Variants in BCORL1 observed in about 807,000 individuals in gnomAD.
BCORL1 encodes BCL6 corepressor like 1.
Under a neutral mutation model 87.6 loss-of-function variants are expected in BCORL1, and 7 were observed. That is an observed-to-expected ratio of 0.08 (90% CI 0.05 to 0.15). The LOEUF (loss-of-function observed/expected upper bound fraction) is 0.15, where lower values mean the gene tolerates loss of function less well. BCORL1 is among the 10% of genes least tolerant of loss of function. BCORL1 has a pLI of 1.00. For synonymous variants in BCORL1, 591 were observed against 634.4 expected, an observed-to-expected ratio of 0.93 and a Z score of 1.03; for missense variants, 1,215 against 1,499.7, an observed-to-expected ratio of 0.81 and a Z score of 3.13.
intron 2 of BCORL1, among the ~76,000 whole-genome samples, chrX:130,011,238 T>G (rs113196222): frequency 0.022 from 2,406 of 107,073 alleles, 34 homozygotes; most frequent in Non-Finnish European, 0.034. Flanking sequence ...TTTTTTTGGT[T>G]GTTGTTGTTG....
At position 130,032,444 on chromosome X, in the gene BCORL1, G is replaced by A. The variant is rs758765836; in HGVS notation, c.4306-2011G>A. 1.2e-4 allele frequency among the ~76,000 whole-genome samples: 14 copies of A among 112,349 alleles called. No individual in the cohort carries two copies. The East Asian group carries it at 3.7e-3, about 29-fold the overall frequency. ...CCACGAGTGATCCAAAAGAGAGCAA[G>A]GCAGAAACCACAGTGTCTTTTAGGC... On this transcript the variant is annotated intron_variant, in intron 8 of 13. Coordinates refer to ENST00000540052, the MANE Select transcript of BCORL1 (RefSeq NM_001379451.1).
At chrX:130,022,831 T>C (rs376161914) in intron 5 of BCORL1, 66 bp from the exon 6 acceptor site, 141 of 1,008,955 alleles carry the variant, frequency 1.4e-4, no homozygotes, top group Middle Eastern at 1.0e-3. Flanking sequence ...ACAGGTGGGC[T>C]TTCTGGTCTT....
intron 1 of BCORL1, among the ~76,000 whole-genome samples, chrX:129,989,444 CTTTTTTT>C (rs55654985): frequency 1.4e-3 from 24 of 17,772 alleles, no homozygotes; most frequent in Non-Finnish European, 1.9e-3. Flanking sequence ...CCGCACCCGT[CTTTTTTT>C]TTTTTTTTTT....
chrX:130,032,627 T>A (rs1236139014), intron 8 of BCORL1, among the ~76,000 whole-genome samples: 4 of 111,110 alleles, frequency 3.6e-5, no homozygotes, highest in Non-Finnish European at 5.7e-5. Flanking sequence ...CCCTCTGGCC[T>A]CCCCCAGTGA....
chrX:129,992,494 A>G (rs1927271229), intron 1 of BCORL1, among the ~76,000 whole-genome samples: 2 of 111,813 alleles, frequency 1.8e-5, no homozygotes, highest in Admixed American at 1.9e-4. Context: ...TGTTTAATGA[A>G]AGCTGTATAG....
At chrX:129,989,205 G>A (rs1365855435) in intron 1 of BCORL1, among the ~76,000 whole-genome samples, 2 of 109,728 alleles carry the variant, frequency 1.8e-5, no homozygotes, top group African/African-American at 3.3e-5. Context: ...GCATGATCTC[G>A]GCTCACTGCA....
chrX:130,037,589 C>A, intron 10 of BCORL1, 56 bp downstream of exon 10: 1 of 1,135,255 alleles, frequency 8.8e-7, no homozygotes, highest in Middle Eastern at 2.7e-4. Context: ...CAGCCTCTCA[C>A]TCAAAAGACC....
chrX:129,992,847 C>T (rs764621255), intron 1 of BCORL1, among the ~76,000 whole-genome samples: 1 of 110,782 alleles, frequency 9.0e-6, no homozygotes, highest in African/African-American at 3.3e-5. Context: ...TGAGCCAGTG[C>T]GCCCAGCTAG....
chrX:129,991,142 G>A (rs1927114696), intron 1 of BCORL1, among the ~76,000 whole-genome samples: 1 of 110,154 alleles, frequency 9.1e-6, no homozygotes, highest in Non-Finnish European at 1.9e-5. Flanking sequence ...TTGAGATAGA[G>A]TTTCGTTCTT....
chrX:129,999,123 C>T (rs1927802683), intron 1 of BCORL1, among the ~76,000 whole-genome samples: 1 of 102,172 alleles, frequency 9.8e-6, no homozygotes, highest in African/African-American at 3.6e-5. Context: ...GTTCTGTTTC[C>T]AAATGCCAGT....
In BCORL1 at chrX:130,024,976, C is replaced by T; in HGVS notation, c.3689-14C>T. 8.3e-7 allele frequency: 1 copy of T among 1,207,315 alleles called. No homozygotes were observed. The highest frequency in any genetic ancestry group is 1.8e-5 in the South Asian group (1 of 56,231). On this transcript the variant is annotated splice_polypyrimidine_tract_variant and intron_variant, in intron 6 of 13. Transcript: ENST00000540052. ...AAGAAGTACCTGACCATCCTCTGTA[C>T]ATCCCATCCACAGGAAGCATCTGTA...
chrX:130,001,513 T>C (rs1928048996), intron 1 of BCORL1, among the ~76,000 whole-genome samples: 1 of 111,578 alleles, frequency 9.0e-6, no homozygotes, highest in Non-Finnish European at 1.9e-5. Flanking sequence ...GAGTAAATAC[T>C]TGAGGACAAC....
chrX:130,014,783 G>T lies in BCORL1; in HGVS notation c.2011G>T (p.Ala671Ser), dbSNP rs1159913597. ...VLSRSQRTTQ[A>S]AGGNVTSCLG... Reference sequence around the variant, plus strand: ...GTCTAGGTCTCAGCGCACAACCCAGGCTGCCGGTGGCAATGTCACCTCCTG... The same window carrying T: ...GTCTAGGTCTCAGCGCACAACCCAGTCTGCCGGTGGCAATGTCACCTCCTG... The change falls in exon 4 of 14, where the codon GCT (alanine) becomes TCT (serine). Residue 671 changes from alanine (A) to serine (S), a missense_variant. Transcript: ENST00000540052. 2 of 1,211,214 alleles carry T rather than the reference G, an allele frequency of 1.7e-6. No individual in the cohort carries two copies. The highest frequency in any genetic ancestry group is 1.1e-6 in the Non-Finnish European group (1 of 895,356).
intron 1 of BCORL1, among the ~76,000 whole-genome samples, chrX:130,003,370 T>C (rs1490788155): frequency 9.8e-6 from 1 of 101,783 alleles, no homozygotes; most frequent in Admixed American, 1.0e-4. Flanking sequence ...TTCTTCTTCT[T>C]CTTCTTTTTT....
chrX:130,025,046 G>A lies in BCORL1; in HGVS notation c.3745G>A (p.Val1249Ile), dbSNP rs150252607. Reference sequence around the variant, plus strand: ...AGACAGTGACATGGGAAGCCAGGAAGTCTTCCCCACAGAAGAAGAAGAGGA... The same window carrying A: ...AGACAGTGACATGGGAAGCCAGGAAATCTTCCCCACAGAAGAAGAAGAGGA... ...MADSDMGSQE[V>I]FPTEEEEEVT... is the part of the protein sequence containing the mutation. The change falls in exon 7 of 14, where the codon GTC becomes ATC. Residue 1249 changes from valine to isoleucine, a missense_variant. Physicochemically the swap from Val to Ile is conservative, Grantham distance 29. Transcript: ENST00000540052. The A allele has an allele frequency of 1.5e-5, 18 of 1,210,285 alleles. No individual in the cohort carries two copies. The Middle Eastern group carries it at 9.2e-4, about 62-fold the overall frequency.
intron 4 of BCORL1, among the ~76,000 whole-genome samples, chrX:130,017,619 T>C (rs1443834425): frequency 2.7e-5 from 3 of 109,333 alleles, no homozygotes; most frequent in African/African-American, 1.0e-4. Context: ...TCTTCAGCTA[T>C]ACCATATTAT....
rs747256100 is a variant in BCORL1, at chrX:130,014,878, G to C, written c.2106G>C (p.Trp702Cys). 8.3e-7 allele frequency: 1 copy of C among 1,211,534 alleles called. No homozygotes were observed. ...EIVRNGDPST[W>C]VKNSTALIST... The stretch of plus-strand genomic sequence containing the variant: ...TGAGGAATGGGGACCCGAGCACCTG[G>C]GTGAAGAACTCAACTGCACTGATCA... The change falls in exon 4 of 14, where the codon TGG becomes TGC. Residue 702 changes from tryptophan to cysteine, a missense_variant. Around this residue, in one of 5 missense-constraint regions of BCORL1, gnomAD observed 861 missense variants for 1,010.0 expected, o/e 0.85. Coordinates refer to ENST00000540052, the MANE Select transcript of BCORL1 (RefSeq NM_001379451.1).
intron 1 of BCORL1, among the ~76,000 whole-genome samples, chrX:129,984,462 G>A (rs892846177): frequency 9.0e-6 from 1 of 111,274 alleles, no homozygotes; most frequent in East Asian, 2.9e-4. Flanking sequence ...TGTGGGTCCC[G>A]CGACTGGCCT....
At chrX:130,032,775 ATTTG>A (rs1448941577) in intron 8 of BCORL1, among the ~76,000 whole-genome samples, 13 of 100,471 alleles carry the variant, frequency 1.3e-4, no homozygotes, top group Non-Finnish European at 2.1e-4. Context: ...TTATTTATTT[ATTTG>A]TAATGGAGTT....
Sources: gnomAD v4.1 joint callset for allele counts (sites outside exome capture counted in the v4.1 genomes callset) on GRCh38, gnomAD v4.1.1 for gene constraint, gnomAD v4.1.1 regional missense constraint, MANE v1.5 for transcripts, NCBI Gene and HGNC (gene_info 2026-07-23, HGNC 2026-07-21) for gene names.